Variants in EDARADD observed in about 807,000 individuals in gnomAD.
EDARADD encodes the protein EDAR associated via death domain.
Under a neutral mutation model 25.6 loss-of-function variants are expected in EDARADD, and 20 were observed. That is an observed-to-expected ratio of 0.78 (90% confidence interval 0.55 to 1.14). The LOEUF is 1.14. Among genes scored for constraint, EDARADD ranks in the 50% most tolerant of loss-of-function variants. The pLI is 0.00. For missense variants in EDARADD, 225 were observed against 270.1 expected, an observed-to-expected ratio of 0.83 and a Z score of 1.17; for synonymous variants, 86 against 94.4, an observed-to-expected ratio of 0.91 and a Z score of 0.52.
At position 236,482,956 on chromosome 1, in the gene EDARADD, CCT is replaced by C; in HGVS notation, c.*314_*315del. ...CATGCCACGTTGAAGATAAAATTAT[CCT>C]CTCTCTGAAATACGGTAAAGATTTA... On this transcript the variant is annotated 3_prime_UTR_variant, in exon 6 of 6. Coordinates refer to ENST00000334232, the MANE Select transcript of EDARADD (RefSeq NM_145861.4). The C allele has an allele frequency of 1.7e-6, 1 of 605,482 alleles. No individual in the cohort carries two copies. Among genetic ancestry groups the C allele is most frequent in the Non-Finnish European group, 2.9e-6 (1 of 345,764 alleles). 37.5% of individuals were successfully genotyped at this position (605,482 alleles called of 1,614,324 possible). A position where few individuals can be genotyped will look rare whatever the true frequency, so the allele number is the denominator to read the frequency against.
chr1:236,363,000 A>ATATAT (rs1158321993), intron 3 of EDARADD, among the ~76,000 whole-genome samples: 3 of 57,292 alleles, frequency 5.2e-5, no homozygotes, highest in African/African-American at 2.2e-4. Context: ...AAAAAAAAAA[A>ATATAT]AAAAAAATAT....
chr1:236,390,962 T>TTATTATTATTA (rs1365266941), upstream of EDARADD, among the ~76,000 whole-genome samples: 125 of 23,446 alleles, frequency 5.3e-3, 1 homozygote, highest in Admixed American at 0.013. Flanking sequence ...TATTATTATT[T>TTATTATTATTA]TTTGAGATGG....
intron 4 of EDARADD, among the ~76,000 whole-genome samples, chr1:236,429,375 T>A (rs940030880): frequency 7.0e-6 from 1 of 141,852 alleles, no homozygotes; most frequent in African/African-American, 3.1e-5. Flanking sequence ...CCCGGCTACT[T>A]TATTTATTTA....
At chr1:236,370,230 G>C (rs1393821526) in intron 3 of EDARADD, among the ~76,000 whole-genome samples, 1 of 152,092 alleles carries the variant, frequency 6.6e-6, no homozygotes, top group Non-Finnish European at 1.5e-5. Flanking sequence ...AGACCAGCCT[G>C]GACAACATGG....
At chr1:236,364,941 A>G (rs7530089) in intron 3 of EDARADD, among the ~76,000 whole-genome samples, 16,465 of 152,200 alleles carry the variant, frequency 0.11, 1,378 homozygotes, top group African/African-American at 0.23. Flanking sequence ...TGGTGAAAGC[A>G]GACATCCTTG....
chr1:236,448,224 A>G lies in EDARADD; in HGVS notation c.220-20007A>G, dbSNP rs560553273. Among the ~76,000 whole-genome samples, 8 of 152,342 alleles carry G rather than the reference A, an allele frequency of 5.3e-5. No homozygotes were observed. The East Asian group carries it at 1.5e-3, about 29-fold the overall frequency. On this transcript the variant is annotated intron_variant, in intron 4 of 5. Transcript: ENST00000334232. ...GGCCTGGGGTAGACTCCAAGCATTG[A>G]TCTTCCTTAAATGTCCTAGGGCTTT...
chr1:236,429,844 T>G (rs1429743170), intron 4 of EDARADD, among the ~76,000 whole-genome samples: 1 of 152,222 alleles, frequency 6.6e-6, no homozygotes, highest in Non-Finnish European at 1.5e-5. Context: ...CTGTTCTCTC[T>G]CCCAAAGCTC....
At chr1:236,457,091 T>G (rs1658889769) in intron 4 of EDARADD, among the ~76,000 whole-genome samples, 1 of 152,002 alleles carries the variant, frequency 6.6e-6, no homozygotes, top group Admixed American at 6.6e-5. Flanking sequence ...TATAGTGAAG[T>G]CTCCCAAAAA....
intron 4 of EDARADD, among the ~76,000 whole-genome samples, chr1:236,432,774 A>G (rs373385039): frequency 8.7e-4 from 132 of 152,182 alleles, no homozygotes; most frequent in African/African-American, 2.9e-3. Flanking sequence ...AATCCCAGCT[A>G]TCTGGGAGGC....
At position 236,483,208 on chromosome 1, in the gene EDARADD, G is replaced by GT; in HGVS notation, c.*560dup. ...CATGCCAGGGAGCTCTTTGACTCTC[G>GT]TGGGAATCCCACTGTTGAGGTTGAT... On this transcript the variant is annotated 3_prime_UTR_variant, in exon 6 of 6. Transcript: ENST00000334232. The GT allele has an allele frequency of 6.3e-7, 1 of 1,583,076 alleles. No individual in the cohort carries two copies. The highest frequency in any genetic ancestry group is 1.7e-5 in the Admixed American group (1 of 59,750).
chr1:236,479,486 C>A (rs771390812), intron 5 of EDARADD, among the ~76,000 whole-genome samples: 133 of 149,682 alleles, frequency 8.9e-4, no homozygotes, highest in Non-Finnish European at 1.1e-3. Flanking sequence ...CAAAGCAAGA[C>A]CCTGTCTCAA....
rs888124729 is a variant in EDARADD at position 236,411,052 on chromosome 1, C to T, written c.120+1778C>T. Among the ~76,000 whole-genome samples, 18 of 152,218 alleles carry T rather than the reference C, an allele frequency of 1.2e-4. 1 individual carries two copies. The highest frequency in any genetic ancestry group is 4.3e-4 in the African/African-American group (18 of 41,454). ...CTTCTTTCCCTTCCCACTGCCCCCA[C>T]CTGTGACTCTCCAGTTCTCCCTGGT... On this transcript the variant is annotated intron_variant, in intron 2 of 5. Transcript: ENST00000334232.
chr1:236,477,553 G>C (rs1659544008), intron 5 of EDARADD, among the ~76,000 whole-genome samples: 1 of 152,126 alleles, frequency 6.6e-6, no homozygotes, highest in Admixed American at 6.5e-5. Context: ...CAAGTGAGGT[G>C]GAATTCCAGA....
Position 236,483,927 on chromosome 1 carries a change from G to A in EDARADD, c.*1278G>A. 7.3e-7 allele frequency: 1 copy of A among 1,374,554 alleles called. No homozygotes were observed. The highest frequency in any genetic ancestry group is 1.0e-6 in the Non-Finnish European group (1 of 964,362). The allele number at this position is 1,374,554 out of a possible 1,614,324, so 85.1% of individuals were successfully genotyped here. On this transcript the variant is annotated 3_prime_UTR_variant, in exon 6 of 6. Transcript: ENST00000334232. ...AGAGGCCTCCGAGTTCTTCAGGTCT[G>A]GAAAGTATGACCTGGAATTCAAGTT...
chr1:236,395,643 A>C lies in EDARADD; in HGVS notation c.61+1138A>C. 1 of 1,575,708 alleles carries C rather than the reference A, an allele frequency of 6.3e-7. No individual in the cohort carries two copies. The highest frequency in any genetic ancestry group is 8.6e-7 in the Non-Finnish European group (1 of 1,163,330). Reference sequence around the variant, plus strand: ...TAACCCGCCGCCATGGCTTCACCGGACGACCCTCTGCGCGCAGGTAAAGGG... The same window carrying C: ...TAACCCGCCGCCATGGCTTCACCGGCCGACCCTCTGCGCGCAGGTAAAGGG... On this transcript the variant is annotated intron_variant, in intron 1 of 5. Coordinates refer to ENST00000334232, the MANE Select transcript of EDARADD (RefSeq NM_145861.4). The surrounding 1 kb of genome is among the most constrained non-coding windows in gnomAD (Gnocchi z 6.9).
intron 3 of EDARADD, among the ~76,000 whole-genome samples, chr1:236,377,863 A>T (rs967226750): frequency 1.3e-5 from 2 of 152,056 alleles, no homozygotes; most frequent in African/African-American, 4.8e-5. Context: ...TTAAAAAAAA[A>T]ACAAAAACAG....
chr1:236,389,376 C>A (rs904941581), upstream of EDARADD, among the ~76,000 whole-genome samples: 1 of 152,228 alleles, frequency 6.6e-6, no homozygotes, highest in Non-Finnish European at 1.5e-5. Flanking sequence ...GAATCACCCA[C>A]ACTTTGCCAT....
rs1667124035 is a variant in EDARADD, at chr1:236,367,395, A to AT, written c.-6+16562dup. 2.0e-5 allele frequency among the ~76,000 whole-genome samples: 3 copies of AT among 151,272 alleles called. No homozygotes were observed. The South Asian group carries it at 6.3e-4, about 32-fold the overall frequency. The stretch of plus-strand genomic sequence containing the variant: ...CAGGCGCCTGCCACCACGCCCAGCT[A>AT]TTTTTTCTGTTTTTACTAGAGACGG... On this transcript the variant is annotated intron_variant, in intron 3 of 7. Coordinates refer to the EDARADD transcript ENST00000439430.
At chr1:236,436,317 C>A (rs565826114) in intron 4 of EDARADD, among the ~76,000 whole-genome samples, 1 of 152,008 alleles carries the variant, frequency 6.6e-6, no homozygotes, top group Non-Finnish European at 1.5e-5. Context: ...CCACTGCACC[C>A]GGCTAATTTT....
Sources: allele counts gnomAD v4.1 joint callset (sites outside exome capture counted in the v4.1 genomes callset), GRCh38; gene constraint gnomAD v4.1.1; non-coding constraint Gnocchi (gnomAD v3.1); transcripts MANE v1.5; gene names NCBI Gene and HGNC (gene_info 2026-07-23, HGNC 2026-07-21).